The following NR6A1 variants were observed in gnomAD, a reference collection of about 807,000 sequenced individuals.
NR6A1 encodes retinoic acid receptor-related testis-associated receptor.
A neutral mutation model predicts 59.1 loss-of-function variants in NR6A1; 7 were observed. The observed-to-expected ratio is 0.12, with a 90% confidence interval of 0.07 to 0.22. The LOEUF (loss-of-function observed/expected upper bound fraction) is 0.22, where lower values mean the gene tolerates loss of function less well. Ranked by LOEUF, NR6A1 falls within the 10% of genes least tolerant of loss-of-function variation. The pLI is 1.00. For synonymous variants in NR6A1, 243 were observed against 236.1 expected (o/e 1.03, Z -0.27); for missense variants, 468 against 611.6 (o/e 0.77, Z 2.48).
chr9:124,756,549 T>C (rs1208510726), intron 1 of NR6A1, among the ~76,000 whole-genome samples: 12 of 152,346 alleles, frequency 7.9e-5, no homozygotes, highest in Non-Finnish European at 2.9e-5. Flanking sequence ...ATTTCCATTC[T>C]GAAATCAGAC....
At chr9:124,724,230 C>T (rs147790166) in intron 2 of NR6A1, among the ~76,000 whole-genome samples, 74 of 151,790 alleles carry the variant, frequency 4.9e-4, no homozygotes, top group African/African-American at 1.7e-3. Context: ...AAGATGAGCT[C>T]GGACACAACC....
intron 2 of NR6A1, among the ~76,000 whole-genome samples, chr9:124,567,217 TG>T (rs1305523279): frequency 6.6e-6 from 1 of 152,062 alleles, no homozygotes; most frequent in Non-Finnish European, 1.5e-5. Context: ...ATGAAGAATC[TG>T]GGAGTCCTCA....
intron 2 of NR6A1, among the ~76,000 whole-genome samples, chr9:124,630,539 A>G (rs955630275): frequency 4.0e-5 from 6 of 150,468 alleles, no homozygotes; most frequent in African/African-American, 9.8e-5. Context: ...CCCAGCCCCA[A>G]CTCGGCTTAA....
rs928587957 is a variant in NR6A1 at position 124,665,183 on chromosome 9, C to CAA, written c.142+68123_142+68124dup. Among the ~76,000 whole-genome samples the CAA allele has an allele frequency of 3.0e-4, 37 of 125,066 alleles. No individual in the cohort carries two copies. The East Asian group carries it at 8.7e-3, about 29-fold the overall frequency. 82.0% of individuals were successfully genotyped at this position (125,066 alleles called of 152,430 possible). ...CCAGGGTGACAACAAGAACCTTTCT[C>CAA]AAAAAAAAAAAAAAGAATAAAATAA... On this transcript the variant is annotated intron_variant, in intron 2 of 9. Transcript: ENST00000487099.
At chr9:124,730,570 T>G (rs1159328556) in intron 2 of NR6A1, among the ~76,000 whole-genome samples, 1 of 151,198 alleles carries the variant, frequency 6.6e-6, no homozygotes, top group Non-Finnish European at 1.5e-5. Context: ...TTTTTTTTTT[T>G]TTTGGTGACT....
chr9:124,703,431 C>A (rs1252110685), intron 2 of NR6A1, among the ~76,000 whole-genome samples: 2 of 151,446 alleles, frequency 1.3e-5, no homozygotes, highest in African/African-American at 4.9e-5. Flanking sequence ...TGGTCTTGAA[C>A]TCCTGGCCTC....
intron 2 of NR6A1, among the ~76,000 whole-genome samples, chr9:124,594,182 C>T (rs913087780): frequency 6.6e-6 from 1 of 152,074 alleles, no homozygotes; most frequent in Non-Finnish European, 1.5e-5. Context: ...ATTCATTTTG[C>T]TTTATTAGAA....
chr9:124,678,437 T>C (rs1838028472), intron 2 of NR6A1, among the ~76,000 whole-genome samples: 1 of 152,248 alleles, frequency 6.6e-6, no homozygotes, highest in African/African-American at 2.4e-5. Context: ...ACTGTTGATA[T>C]GCTCATGCAA....
chr9:124,771,206 G>C lies in NR6A1; in HGVS notation c.-87C>G, dbSNP rs1010015973. The C allele has an allele frequency of 6.7e-6, 5 of 751,690 alleles. No individual in the cohort carries two copies. The East Asian group carries it at 1.4e-4, about 20-fold the overall frequency. 46.6% of individuals were successfully genotyped at this position (751,690 alleles called of 1,614,324 possible). On this transcript the variant is annotated 5_prime_UTR_variant, in exon 1 of 10. Coordinates refer to ENST00000487099, the MANE Select transcript of NR6A1 (RefSeq NM_033334.4). ...CGTGGTCGTCGTCCGCCGAGGGGAG[G>C]AGGTTGTCAGGAGCCCGCGAGCTCC...
chr9:124,764,031 A>G (rs1840854313), intron 1 of NR6A1, among the ~76,000 whole-genome samples: 2 of 152,016 alleles, frequency 1.3e-5, no homozygotes, highest in Non-Finnish European at 2.9e-5. Context: ...TAAAAACACA[A>G]AAATTAGCTG....
intron 2 of NR6A1, chr9:124,692,429 G>A (rs1310464341): frequency 1.9e-6 from 1 of 527,816 alleles, no homozygotes; most frequent in South Asian, 1.4e-5. Context: ...TTGGGATGTG[G>A]ATGGGAGAAT....
At chr9:124,606,606 G>T (rs1835581479) in intron 2 of NR6A1, among the ~76,000 whole-genome samples, 1 of 152,182 alleles carries the variant, frequency 6.6e-6, no homozygotes, top group Non-Finnish European at 1.5e-5. Context: ...GTAAACTTGG[G>T]CAAGGCACTT....
At chr9:124,746,385 T>C (rs1337559224) in intron 1 of NR6A1, among the ~76,000 whole-genome samples, 5 of 152,176 alleles carry the variant, frequency 3.3e-5, no homozygotes, top group African/African-American at 1.2e-4. Context: ...GGTCAGGAGT[T>C]CAAGACCAGC....
intron 2 of NR6A1, among the ~76,000 whole-genome samples, chr9:124,594,408 C>T (rs968544550): frequency 6.6e-6 from 1 of 152,030 alleles, no homozygotes; most frequent in African/African-American, 2.4e-5. Flanking sequence ...TCAAGCTCGT[C>T]GAAAAAAAAT....
intron 2 of NR6A1, among the ~76,000 whole-genome samples, chr9:124,614,970 C>G (rs1412651365): frequency 6.6e-6 from 1 of 152,128 alleles, no homozygotes; most frequent in Non-Finnish European, 1.5e-5. Context: ...GATTCAAAGC[C>G]TGGTATTGCT....
At chr9:124,750,754 C>T (rs916278131) in intron 1 of NR6A1, among the ~76,000 whole-genome samples, 2 of 151,356 alleles carry the variant, frequency 1.3e-5, no homozygotes, top group East Asian at 1.9e-4. Flanking sequence ...AGCGAAACTC[C>T]GTCTCAAAAA....
At chr9:124,564,379 A>C (rs1834172411) in intron 2 of NR6A1, among the ~76,000 whole-genome samples, 3 of 152,192 alleles carry the variant, frequency 2.0e-5, no homozygotes, top group African/African-American at 7.2e-5. Context: ...CAGCCAGTGC[A>C]GACAAAATAA....
At chr9:124,756,688 C>T (rs1840638895) in intron 1 of NR6A1, among the ~76,000 whole-genome samples, 1 of 152,160 alleles carries the variant, frequency 6.6e-6, no homozygotes, top group Non-Finnish European at 1.5e-5. Flanking sequence ...TAAAGGAATG[C>T]AAGTTTAAAT....
At chr9:124,720,489 G>T (rs891726674) in intron 2 of NR6A1, among the ~76,000 whole-genome samples, 4 of 152,162 alleles carry the variant, frequency 2.6e-5, no homozygotes, top group African/African-American at 9.7e-5. Flanking sequence ...CTTTAACACT[G>T]TATTTTCACT....
Sources: allele counts gnomAD v4.1 joint callset (sites outside exome capture counted in the v4.1 genomes callset), GRCh38; gene constraint gnomAD v4.1.1; transcripts MANE v1.5; gene names NCBI Gene and HGNC (gene_info 2026-07-23, HGNC 2026-07-21).